Variants in SP140 observed in about 807,000 individuals in gnomAD.
The protein encoded by SP140 is nuclear body protein SP140.
A neutral mutation model predicts 125.0 loss-of-function variants in SP140; 81 were observed. That is an observed-to-expected ratio of 0.65 (90% CI 0.54 to 0.78). The LOEUF (loss-of-function observed/expected upper bound fraction) is 0.78, where lower values mean the gene tolerates loss of function less well. Ranked by LOEUF, SP140 falls within the 30% of genes least tolerant of loss-of-function variation. The pLI is 0.00. For missense variants in SP140, 858 were observed against 1,037.0 expected (o/e 0.83, Z 2.37); for synonymous variants, 312 against 354.0 (o/e 0.88, Z 1.33).
intron 21 of SP140, among the ~76,000 whole-genome samples, chr2:230,295,490 A>G (rs1318917139): frequency 6.6e-6 from 1 of 152,150 alleles, no homozygotes; most frequent in Non-Finnish European, 1.5e-5. Context: ...TGAGCTGGCA[A>G]TTTCCGACTA....
chr2:230,286,558 C>A (rs770583232), intron 17 of SP140, among the ~76,000 whole-genome samples: 1 of 152,218 alleles, frequency 6.6e-6, no homozygotes, highest in Non-Finnish European at 1.5e-5. Flanking sequence ...CTAGCTCTTT[C>A]TTCCATGAGA....
chr2:230,208,825 CT>C lies in SP140; in HGVS notation c.-322-4827del, dbSNP rs543029490. On this transcript the variant is annotated intron_variant, in intron 1 of 4. Transcript: ENST00000456542. ...AGTAGGTAAGTAGGGTCTTCCAAGA[CT>C]TGCCAGAGAGTTCTAGGAAAAGGCA... is the stretch of plus-strand genomic sequence containing the variant. 2.3e-3 allele frequency among the ~76,000 whole-genome samples: 350 copies of C among 152,312 alleles called. 3 individuals carry two copies. Among genetic ancestry groups the C allele is most frequent in the South Asian group, 8.3e-3 (40 of 4,826 alleles).
At chr2:230,238,895 G>A (rs925473150) in intron 3 of SP140, 3 of 1,550,830 alleles carry the variant, frequency 1.9e-6, no homozygotes, top group East Asian at 2.4e-5. Flanking sequence ...ACAGAAAAGG[G>A]GGTTGGTGGG....
chr2:230,283,253 C>T (rs1423758357), intron 15 of SP140, among the ~76,000 whole-genome samples: 1 of 152,190 alleles, frequency 6.6e-6, no homozygotes, highest in Non-Finnish European at 1.5e-5. Context: ...TCTCCCATAC[C>T]TCTTTAGATG....
intron 12 of SP140, 85 bp from the exon 13 acceptor site, chr2:230,269,447 C>A: frequency 1.2e-6 from 1 of 821,254 alleles, no homozygotes; most frequent in Non-Finnish European, 2.1e-6. Flanking sequence ...CTCAGAATAT[C>A]AGTGTGCAGT....
intron 3 of SP140, chr2:230,219,646 G>A (rs923162009): frequency 7.9e-5 from 12 of 152,200 alleles, no homozygotes; most frequent in African/African-American, 2.2e-4. Context: ...GGCAAATCTC[G>A]GCTCCATTCA....
In SP140 at chr2:230,301,891, C is replaced by G. The variant is rs2058312949; in HGVS notation, c.2058+4429C>G. On this transcript the variant is annotated intron_variant, in intron 22 of 26. Transcript: ENST00000392045. The stretch of plus-strand genomic sequence containing the variant: ...CACCTGCTGTCTTCAAGAGACTCAC[C>G]TAACACATAAGGACTCACATAAACT... 2.6e-5 allele frequency among the ~76,000 whole-genome samples: 4 copies of G among 152,092 alleles called. No homozygotes were observed. In the South Asian group the frequency reaches 8.3e-4, roughly 32 times the overall value.
At chr2:230,209,070 T>TAACAAA (rs2044187598) in intron 1 of SP140, among the ~76,000 whole-genome samples, 3 of 152,184 alleles carry the variant, frequency 2.0e-5, no homozygotes, top group African/African-American at 7.2e-5. Flanking sequence ...TTTTTGATTC[T>TAACAAA]TTTTCTTTTG....
rs369302652 is a variant in SP140, at chr2:230,217,099, A to C, written c.-91+3025A>C. On this transcript the variant is annotated intron_variant, in intron 3 of 4. Coordinates refer to the SP140 transcript ENST00000456542. The stretch of plus-strand genomic sequence containing the variant: ...TGTCTCTACTAAAAATACAAAAATT[A>C]GCTGGGTGTGGTGGCGCACGCCTGT... Among the ~76,000 whole-genome samples, 11 of 152,220 alleles carry C rather than the reference A, an allele frequency of 7.2e-5. No individual in the cohort carries two copies. In the East Asian group the frequency reaches 1.9e-3, roughly 27 times the overall value.
intron 12 of SP140, among the ~76,000 whole-genome samples, chr2:230,263,883 C>G (rs1302197120): frequency 6.6e-6 from 1 of 152,054 alleles, no homozygotes; most frequent in African/African-American, 2.4e-5. Flanking sequence ...CCTGGTGCTT[C>G]TGTCTCACAG....
chr2:230,248,274 C>G (rs756802296), intron 8 of SP140, among the ~76,000 whole-genome samples: 13 of 152,122 alleles, frequency 8.5e-5, no homozygotes, highest in Non-Finnish European at 1.3e-4. Context: ...CACAGAAATG[C>G]AAGCAGGATA....
At chr2:230,239,050 A>G (rs2048359967) in intron 3 of SP140, 9 of 1,409,676 alleles carry the variant, frequency 6.4e-6, no homozygotes, top group Non-Finnish European at 8.3e-6. Context: ...GAAAATAAAG[A>G]AGGAATAAAG....
At chr2:230,288,294 C>T (rs1296499818) in intron 18 of SP140, among the ~76,000 whole-genome samples, 3 of 152,184 alleles carry the variant, frequency 2.0e-5, no homozygotes, top group East Asian at 1.9e-4. Flanking sequence ...CCTCTGACTA[C>T]TCAGAAAGCC....
rs200723367 is a variant in SP140, at chr2:230,212,461, G to T, written c.-322-1193G>T. On this transcript the variant is annotated intron_variant, in intron 1 of 4. Coordinates refer to the SP140 transcript ENST00000456542. ...GGAGGAAAGGAAATTATTACAGATTGCAGGGACTGGATGTCAGGGAGAAGA... is the reference window on the plus strand; with the variant it reads ...GGAGGAAAGGAAATTATTACAGATTTCAGGGACTGGATGTCAGGGAGAAGA... The T allele has an allele frequency of 7.2e-5, 108 of 1,494,686 alleles. No individual in the cohort carries two copies. In the African/African-American group the frequency reaches 1.4e-3, roughly 19 times the overall value. The allele number at this position is 1,494,686 out of a possible 1,614,324, so 92.6% of individuals were successfully genotyped here.
At chr2:230,209,058 T>A (rs1053231736) in intron 1 of SP140, among the ~76,000 whole-genome samples, 3 of 152,198 alleles carry the variant, frequency 2.0e-5, no homozygotes, top group African/African-American at 7.2e-5. Flanking sequence ...CAGAAAAATA[T>A]ATTTTTGATT....
intron 20 of SP140, among the ~76,000 whole-genome samples, chr2:230,293,901 T>C (rs577218108): frequency 6.6e-6 from 1 of 152,204 alleles, no homozygotes; most frequent in Non-Finnish European, 1.5e-5. Flanking sequence ...TCAGAATTAC[T>C]GATACCCAGT....
At chr2:230,226,361 T>A (rs767625062) in intron 1 of SP140, among the ~76,000 whole-genome samples, 3 of 152,210 alleles carry the variant, frequency 2.0e-5, no homozygotes, top group Non-Finnish European at 2.9e-5. Context: ...TGAGCCCATC[T>A]ATGTGGCTCT....
At chr2:230,194,851 C>T in the SP140 span, among the ~76,000 whole-genome samples, 1 of 152,160 alleles carries the variant, frequency 6.6e-6, no homozygotes, top group Non-Finnish European at 1.5e-5. Flanking sequence ...GAAAAGAAGA[C>T]TAGGTATAAA....
chr2:230,247,024 T>A (rs1228142980), intron 7 of SP140, among the ~76,000 whole-genome samples: 1 of 152,156 alleles, frequency 6.6e-6, no homozygotes, highest in Non-Finnish European at 1.5e-5. Flanking sequence ...TGAGACATGT[T>A]AGCAGCGAGT....
Sources: gnomAD v4.1 joint callset for allele counts (sites outside exome capture counted in the v4.1 genomes callset) on GRCh38, gnomAD v4.1.1 for gene constraint, MANE v1.5 for transcripts, NCBI Gene and HGNC (gene_info 2026-07-23, HGNC 2026-07-21) for gene names.